FOXN4: variants seen among roughly 807,000 people sequenced by gnomAD.
FOXN4 encodes forkhead box protein N4.
In FOXN4, 12 loss-of-function variants were observed where a neutral mutation model predicts 45.0. The observed-to-expected ratio is 0.27, with a 90% CI of 0.17 to 0.43. The LOEUF (loss-of-function observed/expected upper bound fraction) is 0.43. Among genes scored for constraint, FOXN4 ranks in the 20% least tolerant of loss-of-function variants. The pLI is 1.00. For synonymous variants in FOXN4, 297 were observed against 295.0 expected (o/e 1.01, Z -0.07); for missense variants, 560 against 694.9 (o/e 0.81, Z 2.18).
chr12:109,283,390 G>A (rs1384410523), intron 8 of FOXN4, among the ~76,000 whole-genome samples: 2 of 151,812 alleles, frequency 1.3e-5, no homozygotes, highest in African/African-American at 4.8e-5. Context: ...GGAGGGAAGT[G>A]AATATGGATA....
intron 2 of FOXN4, among the ~76,000 whole-genome samples, chr12:109,296,243 C>A (rs1369368760): frequency 6.6e-6 from 1 of 152,230 alleles, no homozygotes; most frequent in Non-Finnish European, 1.5e-5. Flanking sequence ...CCTGCGCACC[C>A]AGCGCTGGGG....
At position 109,287,582 on chromosome 12, in the gene FOXN4, A is replaced by T; in HGVS notation, c.469-58T>A. 6.8e-7 allele frequency: 1 copy of T among 1,476,276 alleles called. No homozygotes were observed. Among genetic ancestry groups the T allele is most frequent in the East Asian group, 2.5e-5 (1 of 40,336 alleles). 91.4% of individuals were successfully genotyped at this position (1,476,276 alleles called of 1,614,324 possible). A position where few individuals can be genotyped will look rare whatever the true frequency, so the allele number is the denominator to read the frequency against. On this transcript the variant is annotated intron_variant, in intron 5 of 9. Coordinates refer to ENST00000299162, the MANE Select transcript of FOXN4 (RefSeq NM_213596.3). This position sits in a 1 kb window ranked among gnomAD's most constrained non-coding sequence, Gnocchi z 4.1. ...AGAGAAAGAGAGAAGGTGAGAAATA[A>T]CATACGTCACTCACAGTAACACTGT...
chr12:109,291,292 G>A lies in FOXN4; in HGVS notation c.87-1006C>T, dbSNP rs1034572837. The stretch of plus-strand genomic sequence containing the variant: ...AGCATCGGGTCTTACACCACCATCC[G>A]GGCCCTGTCGTGATGGTGCAGACCA... On this transcript the variant is annotated intron_variant, in intron 2 of 9. Coordinates refer to ENST00000299162, the MANE Select transcript of FOXN4 (RefSeq NM_213596.3). This position sits in a 1 kb window ranked among gnomAD's most constrained non-coding sequence, Gnocchi z 6.6. Among the ~76,000 whole-genome samples, 8 of 151,486 alleles carry A rather than the reference G, an allele frequency of 5.3e-5. No homozygotes were observed. Among genetic ancestry groups the A allele is most frequent in the Admixed American group, 2.0e-4 (3 of 15,202 alleles).
chr12:109,293,635 G>T (rs893609169), intron 2 of FOXN4, among the ~76,000 whole-genome samples: 1 of 152,198 alleles, frequency 6.6e-6, no homozygotes, highest in Non-Finnish European at 1.5e-5. Flanking sequence ...GTAGCTGGAA[G>T]TACAGGCACG....
In FOXN4 at chr12:109,288,704, C is replaced by T. The variant is rs371360812; in HGVS notation, c.233-524G>A. On this transcript the variant is annotated intron_variant, in intron 3 of 9. Coordinates refer to ENST00000299162, the MANE Select transcript of FOXN4 (RefSeq NM_213596.3). This position sits in a 1 kb window ranked among gnomAD's most constrained non-coding sequence, Gnocchi z 4.3. ...GGATGAGAATGGCAGACATACTTCCCCCATCTTGTGCTGGGCTTGTGACAG... is the reference window on the plus strand; with the variant it reads ...GGATGAGAATGGCAGACATACTTCCTCCATCTTGTGCTGGGCTTGTGACAG... 4.7e-4 allele frequency among the ~76,000 whole-genome samples: 72 copies of T among 152,330 alleles called. 2 individuals are homozygous for T. Among genetic ancestry groups the T allele is most frequent in the African/African-American group, 1.7e-3 (69 of 41,588 alleles).
At chr12:109,280,992 A>G (rs2047647097) in intron 9 of FOXN4, among the ~76,000 whole-genome samples, 1 of 152,184 alleles carries the variant, frequency 6.6e-6, no homozygotes, top group Admixed American at 6.5e-5. Flanking sequence ...ACCTTGGGTG[A>G]GTGACTTCAC....
At chr12:109,304,295 G>GAAAGAAAGAAA (rs1555244325) in intron 2 of FOXN4, among the ~76,000 whole-genome samples, 508 of 40,040 alleles carry the variant, frequency 0.013, 45 homozygotes, top group African/African-American at 0.034. Context: ...AAGAAAGAAA[G>GAAAGAAAGAAA]GAGAAAGAAA....
chr12:109,287,583 C>T lies in FOXN4; in HGVS notation c.469-59G>A. On this transcript the variant is annotated intron_variant, in intron 5 of 9. Transcript: ENST00000299162. This position sits in a 1 kb window ranked among gnomAD's most constrained non-coding sequence, Gnocchi z 4.1. The stretch of plus-strand genomic sequence containing the variant: ...GAGAAAGAGAGAAGGTGAGAAATAA[C>T]ATACGTCACTCACAGTAACACTGTC... 6.8e-7 allele frequency: 1 copy of T among 1,476,772 alleles called. No individual in the cohort carries two copies. Among genetic ancestry groups the T allele is most frequent in the South Asian group, 1.4e-5 (1 of 70,462 alleles). 91.5% of individuals were successfully genotyped at this position (1,476,772 alleles called of 1,614,324 possible).
Position 109,288,710 on chromosome 12 carries a change from T to C in FOXN4, c.233-530A>G, listed in dbSNP as rs1013619740. ...GAATGGCAGACATACTTCCCCCATC[T>C]TGTGCTGGGCTTGTGACAGACATTG... On this transcript the variant is annotated intron_variant, in intron 3 of 9. Coordinates refer to ENST00000299162, the MANE Select transcript of FOXN4 (RefSeq NM_213596.3). The surrounding 1 kb of genome is among the most constrained non-coding windows in gnomAD (Gnocchi z 4.3). 2.0e-5 allele frequency among the ~76,000 whole-genome samples: 3 copies of C among 152,214 alleles called. No homozygotes were observed. Among genetic ancestry groups the C allele is most frequent in the African/African-American group, 4.8e-5 (2 of 41,466 alleles).
intron 2 of FOXN4, among the ~76,000 whole-genome samples, chr12:109,298,346 T>G (rs1187142049): frequency 6.5e-4 from 52 of 80,342 alleles, no homozygotes; most frequent in African/African-American, 2.0e-3. Context: ...TTTTTTTTGT[T>G]TTTTTTTTTT....
intron 2 of FOXN4, among the ~76,000 whole-genome samples, chr12:109,304,198 A>AAAGAAAAG (rs2047891810): frequency 6.7e-6 from 1 of 149,982 alleles, no homozygotes; most frequent in Non-Finnish European, 1.5e-5. Context: ...CAAAAAAAAA[A>AAAGAAAAG]AAAAGAAAGA....
chr12:109,302,843 G>T (rs1002196655), intron 2 of FOXN4, among the ~76,000 whole-genome samples: 35 of 152,186 alleles, frequency 2.3e-4, no homozygotes, highest in African/African-American at 8.2e-4. Context: ...AGATGTGGTG[G>T]GTAAGAAACT....
chr12:109,279,587 A>G lies in FOXN4; in HGVS notation c.*84T>C. Reference sequence around the variant, plus strand: ...GGAGAGGCTTCGGGGACAATGAGGGACCTGCCTTCTGGGAACACCCTGTTC... The same window carrying G: ...GGAGAGGCTTCGGGGACAATGAGGGGCCTGCCTTCTGGGAACACCCTGTTC... On this transcript the variant is annotated 3_prime_UTR_variant, in exon 10 of 10. Transcript: ENST00000299162. 6.6e-7 allele frequency: 1 copy of G among 1,524,354 alleles called. No individual in the cohort carries two copies. The highest frequency in any genetic ancestry group is 8.8e-7 in the Non-Finnish European group (1 of 1,131,094). 94.4% of individuals were successfully genotyped at this position (1,524,354 alleles called of 1,614,324 possible). A position where few individuals can be genotyped will look rare whatever the true frequency, so the allele number is the denominator to read the frequency against.
intron 2 of FOXN4, among the ~76,000 whole-genome samples, chr12:109,299,069 C>T (rs1343978104): frequency 6.6e-6 from 1 of 152,122 alleles, no homozygotes; most frequent in Non-Finnish European, 1.5e-5. Flanking sequence ...CCCAGGGTGA[C>T]TCCTGACAAT....
chr12:109,289,886 A>G (rs939431869), intron 3 of FOXN4, among the ~76,000 whole-genome samples: 9 of 152,248 alleles, frequency 5.9e-5, no homozygotes, highest in African/African-American at 2.2e-4. Context: ...CTAGAGGTTC[A>G]AGATGCACCA....
intron 7 of FOXN4, among the ~76,000 whole-genome samples, chr12:109,285,765 G>A (rs1430626192): frequency 6.6e-6 from 1 of 152,150 alleles, no homozygotes; most frequent in East Asian, 1.9e-4. Flanking sequence ...ATGCAGCCTG[G>A]CCTGCTGGAT....
Position 109,287,968 on chromosome 12 carries a change from A to G in FOXN4, c.358-14T>C, listed in dbSNP as rs1249330923. On this transcript the variant is annotated splice_polypyrimidine_tract_variant and intron_variant, in intron 4 of 9. Transcript: ENST00000299162. The surrounding 1 kb of genome is among the most constrained non-coding windows in gnomAD (Gnocchi z 4.1). ...GAACTGGCTCATCTGCTGGGCAGGAAGAGGAGGAGACAGAGGGTCACGGTG... is the reference window on the plus strand; with the variant it reads ...GAACTGGCTCATCTGCTGGGCAGGAGGAGGAGGAGACAGAGGGTCACGGTG... 2 of 1,549,612 alleles carry G rather than the reference A, an allele frequency of 1.3e-6. No individual in the cohort carries two copies. Among genetic ancestry groups the G allele is most frequent in the Non-Finnish European group, 1.7e-6 (2 of 1,146,874 alleles).
At position 109,288,300 on chromosome 12, in the gene FOXN4, C is replaced by G. The variant is rs2047735181; in HGVS notation, c.233-120G>C. 7.3e-7 allele frequency: 1 copy of G among 1,368,374 alleles called. No individual in the cohort carries two copies. The highest frequency in any genetic ancestry group is 2.9e-5 in the Admixed American group (1 of 34,422). 84.8% of individuals were successfully genotyped at this position (1,368,374 alleles called of 1,614,324 possible). A position where few individuals can be genotyped will look rare whatever the true frequency, so the allele number is the denominator to read the frequency against. On this transcript the variant is annotated intron_variant, in intron 3 of 9. Transcript: ENST00000299162. This position sits in a 1 kb window ranked among gnomAD's most constrained non-coding sequence, Gnocchi z 4.3. Reference sequence around the variant, plus strand: ...CCAGCCCCTTTCCTCGGACCAGGCACATAGTAGGTGCTTGGCAAATCACTT... The same window carrying G: ...CCAGCCCCTTTCCTCGGACCAGGCAGATAGTAGGTGCTTGGCAAATCACTT...
Position 109,290,124 on chromosome 12 carries a change from C to T in FOXN4, c.232+17G>A. ...CTATATCACCCTCCTCCCTGCCTAC[C>T]TTGTCCCTGAGCCTACCTGGGTGTG... On this transcript the variant is annotated intron_variant, in intron 3 of 9. Transcript: ENST00000299162. The surrounding 1 kb of genome is among the most constrained non-coding windows in gnomAD (Gnocchi z 5.1). The T allele has an allele frequency of 6.5e-7, 1 of 1,533,966 alleles. No individual in the cohort carries two copies. The highest frequency in any genetic ancestry group is 8.8e-7 in the Non-Finnish European group (1 of 1,137,116).
Sources: allele counts gnomAD v4.1 joint callset (sites outside exome capture counted in the v4.1 genomes callset), GRCh38; gene constraint gnomAD v4.1.1; non-coding constraint Gnocchi (gnomAD v3.1); transcripts MANE v1.5; gene names NCBI Gene and HGNC (gene_info 2026-07-23, HGNC 2026-07-21).